ABHD3: variants seen among roughly 807,000 people sequenced by gnomAD.
ABHD3 encodes the protein abhydrolase domain containing 3, phospholipase.
Under a neutral mutation model 48.8 loss-of-function variants are expected in ABHD3, and 46 were observed. The observed-to-expected ratio is 0.94, with a 90% CI of 0.74 to 1.20. The LOEUF (loss-of-function observed/expected upper bound fraction) is 1.20, where lower values mean the gene tolerates loss of function less well. Among genes scored for constraint, ABHD3 ranks in the 50% most tolerant of loss-of-function variants. ABHD3 has a pLI of 0.00. For missense variants in ABHD3, 490 were observed against 497.8 expected (o/e 0.98, Z 0.15); for synonymous variants, 192 against 183.7 (o/e 1.04, Z -0.36).
At chr18:21,670,927 T>C (rs538936611) in intron 4 of ABHD3, among the ~76,000 whole-genome samples, 2 of 152,276 alleles carry the variant, frequency 1.3e-5, no homozygotes, top group East Asian at 1.9e-4. Context: ...GGTGGGAGGA[T>C]TGCTTGAACT....
chr18:21,691,820 A>G (rs556587958), intron 3 of ABHD3, among the ~76,000 whole-genome samples: 2 of 152,342 alleles, frequency 1.3e-5, no homozygotes, highest in South Asian at 2.1e-4. Flanking sequence ...TGGAAGAGCT[A>G]GATTTTCCCA....
At chr18:21,685,239 T>TTG (rs2040105082) in intron 3 of ABHD3, among the ~76,000 whole-genome samples, 1 of 152,222 alleles carries the variant, frequency 6.6e-6, no homozygotes, top group African/African-American at 2.4e-5. Flanking sequence ...AAATCTCTTC[T>TTG]TGCAGGGTGC....
chr18:21,679,539 A>AT (rs1325612249), intron 4 of ABHD3, among the ~76,000 whole-genome samples: 2 of 152,108 alleles, frequency 1.3e-5, no homozygotes, highest in Admixed American at 1.3e-4. Flanking sequence ...TTTTAATTAA[A>AT]TTTTTTTGAG....
chr18:21,698,783 G>A (rs1280039896), intron 3 of ABHD3, among the ~76,000 whole-genome samples: 2 of 152,020 alleles, frequency 1.3e-5, no homozygotes, highest in African/African-American at 2.4e-5. Flanking sequence ...GTTTCGCCAT[G>A]TGGGCCAGGC....
Position 21,650,929 on chromosome 18 carries a change from A to G in ABHD3, c.*662T>C, listed in dbSNP as rs1159928928. 6.6e-6 allele frequency: 1 copy of G among 152,212 alleles called. No individual in the cohort carries two copies. The highest frequency in any genetic ancestry group is 1.5e-5 in the Non-Finnish European group (1 of 68,034). 9.4% of individuals were successfully genotyped at this position (152,212 alleles called of 1,614,324 possible). A position where few individuals can be genotyped will look rare whatever the true frequency, so the allele number is the denominator to read the frequency against. ...AAAATGGTAGAATTTATTTTAATATAATGATATATATGTGTCCACATATAC... is the reference window on the plus strand; with the variant it reads ...AAAATGGTAGAATTTATTTTAATATGATGATATATATGTGTCCACATATAC... On this transcript the variant is annotated 3_prime_UTR_variant, in exon 9 of 9. Transcript: ENST00000289119.
chr18:21,668,200 C>CAAA (rs747590942), intron 4 of ABHD3, among the ~76,000 whole-genome samples: 40 of 61,190 alleles, frequency 6.5e-4, no homozygotes, highest in Middle Eastern at 0.01. Flanking sequence ...GAATCTATCT[C>CAAA]AAAAAAAAAA....
chr18:21,655,156 T>C (rs974261121), intron 8 of ABHD3: 6 of 152,118 alleles, frequency 3.9e-5, no homozygotes, highest in Middle Eastern at 3.2e-3. Context: ...AAAATATATA[T>C]ATATACACAC....
intron 8 of ABHD3, among the ~76,000 whole-genome samples, chr18:21,654,649 C>T (rs1307003772): frequency 6.6e-6 from 1 of 152,148 alleles, no homozygotes; most frequent in Non-Finnish European, 1.5e-5. Context: ...TTTCATTTGC[C>T]TCTAAAGGAA....
intron 3 of ABHD3, among the ~76,000 whole-genome samples, chr18:21,686,834 T>C (rs1019105056): frequency 2.0e-5 from 3 of 152,348 alleles, no homozygotes; most frequent in Middle Eastern, 3.4e-3. Flanking sequence ...CCTTTGCTAC[T>C]CTGACAGTCA....
intron 4 of ABHD3, 137 bp downstream of exon 4, chr18:21,683,781 CAT>C (rs2040062240): frequency 1.2e-6 from 1 of 810,508 alleles, no homozygotes; most frequent in Non-Finnish European, 1.7e-6. Flanking sequence ...CCTTTTTTTC[CAT>C]ATCTGTATTT....
intron 4 of ABHD3, among the ~76,000 whole-genome samples, chr18:21,674,243 C>CTT (rs34344524): frequency 4.9e-5 from 7 of 141,646 alleles, no homozygotes; most frequent in South Asian, 2.3e-4. Flanking sequence ...TTATTTTGAA[C>CTT]TTTTTTTTTT....
rs1489799747 is a variant in ABHD3 at position 21,680,044 on chromosome 18, T to C, written c.555+3876A>G. 2.7e-5 allele frequency among the ~76,000 whole-genome samples: 4 copies of C among 150,848 alleles called. No homozygotes were observed. The East Asian group carries it at 8.0e-4, about 30-fold the overall frequency. ...TTTGTTTGTTTTTGAGATGGAGTCT[T>C]GCTCTGTCGTCCAGGCTGGAGTGCA... On this transcript the variant is annotated intron_variant, in intron 4 of 8. Transcript: ENST00000289119.
intron 4 of ABHD3, chr18:21,682,842 G>C (rs2040037407): frequency 6.6e-6 from 1 of 152,172 alleles, no homozygotes; most frequent in Admixed American, 6.6e-5. Flanking sequence ...TTTCCCTTTA[G>C]AGTACTATCT....
intron 6 of ABHD3, 112 bp downstream of exon 6, chr18:21,659,058 C>G: frequency 1.8e-6 from 2 of 1,112,278 alleles, no homozygotes; most frequent in Non-Finnish European, 2.5e-6. Context: ...CCAGGATGGT[C>G]TCGATCTCCT....
chr18:21,658,078 TC>T (rs750078120), intron 6 of ABHD3, among the ~76,000 whole-genome samples: 5 of 151,740 alleles, frequency 3.3e-5, no homozygotes, highest in Non-Finnish European at 5.9e-5. Context: ...GTGCCTGTAG[TC>T]CCAGCTACTT....
chr18:21,663,703 A>G (rs2305684), intron 5 of ABHD3: 31,944 of 1,535,446 alleles, frequency 0.021, 841 homozygotes, highest in Admixed American at 0.13. Flanking sequence ...TTTGAAGGCC[A>G]CTGCAGCTGG....
At chr18:21,659,149 C>T in intron 6 of ABHD3, 21 bp downstream of exon 6, 2 of 1,605,792 alleles carry the variant, frequency 1.2e-6, no homozygotes, top group Non-Finnish European at 1.7e-6. Context: ...CTGGAGACAA[C>T]AGATTTTAAA....
chr18:21,653,070 A>AG (rs1231984049), intron 8 of ABHD3, among the ~76,000 whole-genome samples: 1 of 141,228 alleles, frequency 7.1e-6, no homozygotes, highest in Non-Finnish European at 1.5e-5. Flanking sequence ...AAAAAAAAAA[A>AG]AAAAAAAAAA....
In ABHD3 at chr18:21,677,362, T is replaced by A. The variant is rs75792496; in HGVS notation, c.555+6558A>T. 7.2e-5 allele frequency among the ~76,000 whole-genome samples: 10 copies of A among 139,296 alleles called. No individual in the cohort carries two copies. In the South Asian group the frequency reaches 2.1e-3, roughly 29 times the overall value. 91.4% of individuals were successfully genotyped at this position (139,296 alleles called of 152,430 possible). ...GGTGCCTGCCACCACGCCTGGCAAATTTTTTTTTTTTTTTTTGTATTTTTA... is the reference window on the plus strand; with the variant it reads ...GGTGCCTGCCACCACGCCTGGCAAAATTTTTTTTTTTTTTTTGTATTTTTA... On this transcript the variant is annotated intron_variant, in intron 4 of 8. Transcript: ENST00000289119.
Sources: allele counts gnomAD v4.1 joint callset (sites outside exome capture counted in the v4.1 genomes callset), GRCh38; gene constraint gnomAD v4.1.1; transcripts MANE v1.5; gene names NCBI Gene and HGNC (gene_info 2026-07-23, HGNC 2026-07-21).